Variants in NT5DC1 observed in about 807,000 individuals in gnomAD.
The protein encoded by NT5DC1 is 5'-nucleotidase domain-containing protein 1.
A neutral mutation model predicts 59.4 loss-of-function variants in NT5DC1; 42 were observed. That is an observed-to-expected ratio of 0.71 (90% CI 0.55 to 0.92). The LOEUF (loss-of-function observed/expected upper bound fraction) is 0.92. Among genes scored for constraint, NT5DC1 ranks in the 40% least tolerant of loss-of-function variants. The pLI is 0.00. For missense variants in NT5DC1, 501 were observed against 537.1 expected (o/e 0.93, Z 0.66); for synonymous variants, 172 against 188.1 (o/e 0.91, Z 0.70).
intron 5 of NT5DC1, 149 bp from the exon 6 acceptor site, chr6:116,117,712 A>T: frequency 1.8e-6 from 1 of 570,050 alleles, no homozygotes; most frequent in Non-Finnish European, 3.1e-6. Flanking sequence ...CTGAATCTTC[A>T]TCACTTTTGT....
At chr6:116,101,107 C>A in intron 1 of NT5DC1, 84 bp downstream of exon 1, 2 of 997,530 alleles carry the variant, frequency 2.0e-6, no homozygotes, top group South Asian at 1.6e-5. Context: ...TGGGCAACGG[C>A]GGACGCTGCC....
intron 6 of NT5DC1, among the ~76,000 whole-genome samples, chr6:116,128,701 T>C (rs1376319482): frequency 6.6e-6 from 1 of 152,148 alleles, no homozygotes; most frequent in Admixed American, 6.5e-5. Context: ...CTCAGCCTCT[T>C]TTCCCCACTC....
At chr6:116,120,735 C>A (rs747068252) in intron 6 of NT5DC1, 2 of 1,590,526 alleles carry the variant, frequency 1.3e-6, no homozygotes, top group Non-Finnish European at 1.7e-6. Context: ...CCAGGGAATC[C>A]TGGAATGCCT....
chr6:116,160,755 G>T (rs1236485509), intron 6 of NT5DC1, among the ~76,000 whole-genome samples: 1 of 152,094 alleles, frequency 6.6e-6, no homozygotes. Context: ...TATAGTTTGA[G>T]GTCTTACATT....
intron 6 of NT5DC1, among the ~76,000 whole-genome samples, chr6:116,156,266 C>T (rs1434495005): frequency 6.6e-6 from 1 of 152,100 alleles, no homozygotes; most frequent in Non-Finnish European, 1.5e-5. Context: ...ACCCATTTCT[C>T]TAATTTTCCG....
intron 6 of NT5DC1, among the ~76,000 whole-genome samples, chr6:116,153,519 T>G (rs902886769): frequency 6.6e-6 from 1 of 152,198 alleles, no homozygotes; most frequent in African/African-American, 2.4e-5. Flanking sequence ...ATAAACATTT[T>G]CTAATTTTTA....
intron 6 of NT5DC1, among the ~76,000 whole-genome samples, chr6:116,165,059 T>TG (rs1460050849): frequency 7.1e-6 from 1 of 141,050 alleles, no homozygotes; most frequent in African/African-American, 2.7e-5. Context: ...ATTGCACCAC[T>TG]GCGCTTCAGT....
At position 116,163,141 on chromosome 6, in the gene NT5DC1, A is replaced by AAAAATATAT. The variant is rs761718922; in HGVS notation, c.529+45197_529+45198insAAATATATA. The stretch of plus-strand genomic sequence containing the variant: ...GACTCCGTCTCAAAAAAAAAAAAAA[A>AAAAATATAT]ATATATATATATATATATATATTAG... On this transcript the variant is annotated intron_variant, in intron 6 of 11. Coordinates refer to ENST00000319550, the MANE Select transcript of NT5DC1 (RefSeq NM_152729.3). Among the ~76,000 whole-genome samples, 232 of 88,338 alleles carry AAAAATATAT rather than the reference A, an allele frequency of 2.6e-3. 2 individuals are homozygous for AAAAATATAT. Among genetic ancestry groups the AAAAATATAT allele is most frequent in the African/African-American group, 0.011 (190 of 17,294 alleles). The allele number at this position is 88,338 out of a possible 152,430, so 58.0% of individuals were successfully genotyped here.
chr6:116,117,248 G>A (rs747624565), intron 5 of NT5DC1, among the ~76,000 whole-genome samples: 4 of 152,012 alleles, frequency 2.6e-5, no homozygotes, highest in African/African-American at 7.3e-5. Flanking sequence ...ACTTTATAAC[G>A]AGTGGAAATT....
intron 11 of NT5DC1, among the ~76,000 whole-genome samples, chr6:116,241,922 C>CAAAAAAA (rs772261524): frequency 4.0e-4 from 4 of 10,082 alleles, no homozygotes; most frequent in Non-Finnish European, 6.3e-4. Context: ...GACTCCGTCT[C>CAAAAAAA]AAAAAAAAAA....
chr6:116,131,994 AG>A (rs757990447), intron 6 of NT5DC1, among the ~76,000 whole-genome samples: 1 of 152,204 alleles, frequency 6.6e-6, no homozygotes, highest in Non-Finnish European at 1.5e-5. Flanking sequence ...GTTTCTGCAA[AG>A]GACATTATCT....
intron 6 of NT5DC1, among the ~76,000 whole-genome samples, chr6:116,126,960 T>G (rs1366827024): frequency 1.3e-5 from 2 of 152,184 alleles, no homozygotes; most frequent in Admixed American, 6.5e-5. Flanking sequence ...GTAGTTAGAC[T>G]CTGTTTAACA....
At position 116,247,066 on chromosome 6, in the gene NT5DC1, GA is replaced by G. The variant is rs1771862802; in HGVS notation, c.*3043del. 1 of 152,132 alleles carries G rather than the reference GA, an allele frequency of 6.6e-6. No individual in the cohort carries two copies. The highest frequency in any genetic ancestry group is 2.4e-5 in the African/African-American group (1 of 41,442). 9.4% of individuals were successfully genotyped at this position (152,132 alleles called of 1,614,324 possible). ...TTGCTCTGTGTTACACTGTTAGTAAGAGAGCAATACATGAACCCAAGTTTGA... is the reference window on the plus strand; with the variant it reads ...TTGCTCTGTGTTACACTGTTAGTAAGGAGCAATACATGAACCCAAGTTTGA... On this transcript the variant is annotated 3_prime_UTR_variant, in exon 12 of 12. Coordinates refer to ENST00000319550, the MANE Select transcript of NT5DC1 (RefSeq NM_152729.3).
At chr6:116,147,441 C>CA (rs1409048411) in intron 6 of NT5DC1, among the ~76,000 whole-genome samples, 2 of 143,684 alleles carry the variant, frequency 1.4e-5, no homozygotes, top group African/African-American at 2.6e-5. Flanking sequence ...GACTACATCT[C>CA]AAAAAAGAAA....
At position 116,200,214 on chromosome 6, in the gene NT5DC1, T is replaced by C. The variant is rs538235242; in HGVS notation, c.530-20840T>C. Among the ~76,000 whole-genome samples the C allele has an allele frequency of 6.3e-4, 96 of 152,024 alleles. 1 individual carries two copies. The highest frequency in any genetic ancestry group is 3.4e-3 in the Middle Eastern group (1 of 294). On this transcript the variant is annotated intron_variant, in intron 6 of 11. Transcript: ENST00000319550. ...CAATTGAAGGACATTCTACAAAATA[T>C]CTAACTAGTACTCCATAAAACTGTC...
At chr6:116,119,989 C>T in intron 6 of NT5DC1, 1 of 1,172,552 alleles carries the variant, frequency 8.5e-7, no homozygotes, top group Non-Finnish European at 1.3e-6. Context: ...TCTTTTCAGC[C>T]TACCTCCATA....
chr6:116,132,406 C>T (rs1263273787), intron 6 of NT5DC1, among the ~76,000 whole-genome samples: 2 of 152,000 alleles, frequency 1.3e-5, no homozygotes, highest in Non-Finnish European at 2.9e-5. Context: ...ATAACTTAAA[C>T]CTCTGTTCTG....
intron 6 of NT5DC1, among the ~76,000 whole-genome samples, chr6:116,140,278 A>G (rs1473247660): frequency 6.6e-6 from 1 of 152,144 alleles, no homozygotes; most frequent in East Asian, 1.9e-4. Flanking sequence ...ACTAGCTGAA[A>G]TGCCGTGGTA....
At chr6:116,179,873 A>G (rs757477407) in intron 6 of NT5DC1, among the ~76,000 whole-genome samples, 7 of 152,140 alleles carry the variant, frequency 4.6e-5, no homozygotes, top group Non-Finnish European at 8.8e-5. Context: ...TGTCATGAAA[A>G]TCACTCTCAT....
Sources: allele counts gnomAD v4.1 joint callset (sites outside exome capture counted in the v4.1 genomes callset), GRCh38; gene constraint gnomAD v4.1.1; transcripts MANE v1.5; gene names NCBI Gene and HGNC (gene_info 2026-07-23, HGNC 2026-07-21).